Variants in TTC7B observed in about 807,000 individuals in gnomAD.
The protein encoded by TTC7B is tetratricopeptide repeat domain 7B.
In TTC7B, 28 loss-of-function variants were observed where a neutral mutation model predicts 106.8. The ratio of observed to expected loss-of-function variants is 0.26; its 90% CI spans 0.19 to 0.36. TTC7B has a LOEUF of 0.36. Ranked by LOEUF, TTC7B falls within the 10% of genes least tolerant of loss-of-function variation. TTC7B has a pLI of 1.00. For missense variants in TTC7B, 862 were observed against 1,076.4 expected, an observed-to-expected ratio of 0.80 and a Z score of 2.79; for synonymous variants, 405 against 430.6, an observed-to-expected ratio of 0.94 and a Z score of 0.74.
chr14:90,673,618 A>C lies in TTC7B; in HGVS notation c.1152+2905T>G, dbSNP rs758064987. ...CATTTATGGAGCTCAGAGAAAGGTA[A>C]TATAGGAAGTTTAAAATCCAGTTAT... is the stretch of plus-strand genomic sequence containing the variant. On this transcript the variant is annotated intron_variant, in intron 9 of 19. Coordinates refer to ENST00000328459, the MANE Select transcript of TTC7B (RefSeq NM_001010854.2). Among the ~76,000 whole-genome samples, 64 of 152,322 alleles carry C rather than the reference A, an allele frequency of 4.2e-4. 1 individual carries two copies. The highest frequency in any genetic ancestry group is 1.2e-3 in the South Asian group (6 of 4,826).
intron 5 of TTC7B, among the ~76,000 whole-genome samples, chr14:90,700,483 C>G (rs1407258141): frequency 6.6e-6 from 1 of 151,984 alleles, no homozygotes; most frequent in African/African-American, 2.4e-5. Context: ...AACTGCCTTA[C>G]AGGGCCAGCC....
intron 4 of TTC7B, among the ~76,000 whole-genome samples, chr14:90,733,628 C>T (rs547926910): frequency 1.3e-5 from 2 of 152,290 alleles, no homozygotes; most frequent in African/African-American, 2.4e-5. Context: ...ACACTTCCAG[C>T]GAGGAGACTG....
intron 17 of TTC7B, among the ~76,000 whole-genome samples, chr14:90,595,069 C>A (rs1270369909): frequency 6.6e-6 from 1 of 151,920 alleles, no homozygotes; most frequent in Non-Finnish European, 1.5e-5. Context: ...CGCGGTGGCT[C>A]ACGCCTATAA....
intron 5 of TTC7B, among the ~76,000 whole-genome samples, chr14:90,715,762 A>C (rs75076565): frequency 1.8e-3 from 273 of 152,248 alleles, no homozygotes; most frequent in Non-Finnish European, 3.4e-3. Flanking sequence ...TAGATTCAGC[A>C]CTCAACCATG....
At chr14:90,555,109 T>C (rs2139776641) in intron 19 of TTC7B, among the ~76,000 whole-genome samples, 1 of 152,216 alleles carries the variant, frequency 6.6e-6, no homozygotes, top group East Asian at 1.9e-4. Flanking sequence ...TAGGTCTCTT[T>C]GCTCCATGGC....
intron 9 of TTC7B, among the ~76,000 whole-genome samples, chr14:90,664,301 G>T (rs528450023): frequency 1.3e-5 from 2 of 152,194 alleles, no homozygotes; most frequent in East Asian, 3.9e-4. Flanking sequence ...ACAGGGTCTT[G>T]CTCTGTCACC....
intron 1 of TTC7B, among the ~76,000 whole-genome samples, chr14:90,793,944 C>A (rs1891678725): frequency 6.6e-6 from 1 of 151,774 alleles, no homozygotes; most frequent in South Asian, 2.1e-4. Context: ...ATTCTATCAC[C>A]CAGGCTGGAG....
intron 5 of TTC7B, among the ~76,000 whole-genome samples, chr14:90,710,776 T>C (rs1888414372): frequency 6.6e-6 from 1 of 152,226 alleles, no homozygotes; most frequent in Non-Finnish European, 1.5e-5. Context: ...AGGTATGTAC[T>C]CTTTTCTGGA....
At chr14:90,756,391 T>G (rs968106702) in intron 3 of TTC7B, among the ~76,000 whole-genome samples, 1 of 149,064 alleles carries the variant, frequency 6.7e-6, no homozygotes, top group African/African-American at 2.5e-5. Context: ...TTTGTTTTTT[T>G]TTTTTGTTTT....
In TTC7B at chr14:90,530,904, A is replaced by T. The variant is rs2139749497; in HGVS notation, c.*10464T>A. The T allele has an allele frequency of 6.6e-6, 1 of 152,282 alleles. No homozygotes were observed. The highest frequency in any genetic ancestry group is 2.1e-4 in the South Asian group (1 of 4,818). 9.4% of individuals were successfully genotyped at this position (152,282 alleles called of 1,614,324 possible). A position where few individuals can be genotyped will look rare whatever the true frequency, so the allele number is the denominator to read the frequency against. On this transcript the variant is annotated 3_prime_UTR_variant, in exon 20 of 20. Transcript: ENST00000328459. The stretch of plus-strand genomic sequence containing the variant: ...TGGGTGCACCAAAATCTCACAAATC[A>T]CCACTAAAGAACTTACTCATGTAAC...
At chr14:90,546,799 G>A (rs911892568) in intron 19 of TTC7B, among the ~76,000 whole-genome samples, 1 of 152,156 alleles carries the variant, frequency 6.6e-6, no homozygotes, top group Non-Finnish European at 1.5e-5. Context: ...GTGGGTAAGC[G>A]CAGGCCTGCT....
chr14:90,708,609 T>C (rs1051121080), intron 5 of TTC7B, among the ~76,000 whole-genome samples: 1 of 152,212 alleles, frequency 6.6e-6, no homozygotes, highest in African/African-American at 2.4e-5. Flanking sequence ...TTCCAGATAT[T>C]ACTGCTCATT....
At chr14:90,606,961 A>C (rs1428591262) in intron 17 of TTC7B, among the ~76,000 whole-genome samples, 5 of 152,176 alleles carry the variant, frequency 3.3e-5, no homozygotes, top group Non-Finnish European at 7.3e-5. Flanking sequence ...TATATTTTTA[A>C]GCTCTTATCA....
chr14:90,713,515 A>T lies in TTC7B; in HGVS notation c.698+16560T>A, dbSNP rs576492964. 2.0e-5 allele frequency among the ~76,000 whole-genome samples: 3 copies of T among 152,362 alleles called. No individual in the cohort carries two copies. The East Asian group carries it at 5.8e-4, about 29-fold the overall frequency. Reference sequence around the variant, plus strand: ...AATGGGATACTACTGATACTACTACAAACTTACTAGAATGGCTCTAATTCA... The same window carrying T: ...AATGGGATACTACTGATACTACTACTAACTTACTAGAATGGCTCTAATTCA... On this transcript the variant is annotated intron_variant, in intron 5 of 19. Transcript: ENST00000328459.
chr14:90,764,734 G>A (rs1890616207), intron 3 of TTC7B, among the ~76,000 whole-genome samples: 1 of 152,102 alleles, frequency 6.6e-6, no homozygotes, highest in Non-Finnish European at 1.5e-5. Context: ...TATCATTAGG[G>A]AAATGCAAAT....
intron 17 of TTC7B, 44 bp from the exon 18 acceptor site, chr14:90,593,670 A>T (rs1892072007): frequency 6.6e-7 from 1 of 1,519,852 alleles, no homozygotes. Flanking sequence ...GCGAAAGAAC[A>T]GACCCAACCA....
intron 3 of TTC7B, among the ~76,000 whole-genome samples, chr14:90,762,496 C>A (rs1170268608): frequency 6.6e-6 from 1 of 152,244 alleles, no homozygotes; most frequent in Non-Finnish European, 1.5e-5. Context: ...AAAGATCTTT[C>A]TTGCTTAAAA....
At chr14:90,699,659 C>T (rs925864483) in intron 5 of TTC7B, among the ~76,000 whole-genome samples, 39 of 152,170 alleles carry the variant, frequency 2.6e-4, no homozygotes, top group African/African-American at 9.4e-4. Flanking sequence ...AGATCAAACA[C>T]AATAAGTCAA....
chr14:90,601,694 A>G (rs1211236148), intron 17 of TTC7B, among the ~76,000 whole-genome samples: 1 of 152,216 alleles, frequency 6.6e-6, no homozygotes, highest in Non-Finnish European at 1.5e-5. Context: ...AGCAGCATGC[A>G]GAGAGCCCTG....
Sources: allele counts gnomAD v4.1 joint callset (sites outside exome capture counted in the v4.1 genomes callset), GRCh38; gene constraint gnomAD v4.1.1; transcripts MANE v1.5; gene names NCBI Gene and HGNC (gene_info 2026-07-23, HGNC 2026-07-21).